TTLL5: variants seen among roughly 807,000 people sequenced by gnomAD.
The protein encoded by TTLL5 is tubulin polyglutamylase TTLL5.
In TTLL5, 132 loss-of-function variants were observed where a neutral mutation model predicts 168.4. That is an observed-to-expected ratio of 0.78 (90% CI 0.68 to 0.91). TTLL5 has a LOEUF of 0.91. Among genes scored for constraint, TTLL5 ranks in the 40% least tolerant of loss-of-function variants. The pLI is 0.00. For synonymous variants in TTLL5, 546 were observed against 558.6 expected, an observed-to-expected ratio of 0.98 and a Z score of 0.32; for missense variants, 1,545 against 1,581.5, an observed-to-expected ratio of 0.98 and a Z score of 0.39.
At chr14:75,687,181 A>T (rs578106688) in intron 5 of TTLL5, among the ~76,000 whole-genome samples, 7 of 152,364 alleles carry the variant, frequency 4.6e-5, no homozygotes, top group Admixed American at 4.6e-4. Flanking sequence ...AAGAAAACAT[A>T]GACAAGATCT....
intron 18 of TTLL5, among the ~76,000 whole-genome samples, chr14:75,755,888 G>A (rs1213025198): frequency 1.3e-5 from 2 of 151,610 alleles, no homozygotes; most frequent in Non-Finnish European, 2.9e-5. Context: ...ACTCCTCCCC[G>A]ACCTACCCAC....
intron 31 of TTLL5, among the ~76,000 whole-genome samples, chr14:75,908,897 C>T (rs944961113): frequency 6.6e-6 from 1 of 152,130 alleles, no homozygotes; most frequent in African/African-American, 2.4e-5. Context: ...CCACCTCAGC[C>T]TCCTGAGTAG....
At chr14:75,784,168 C>A (rs1014909002) in intron 26 of TTLL5, among the ~76,000 whole-genome samples, 4 of 152,178 alleles carry the variant, frequency 2.6e-5, no homozygotes, top group Non-Finnish European at 5.9e-5. Context: ...AAACCCCATA[C>A]CTGTTAGCAG....
intron 21 of TTLL5, 57 bp downstream of exon 21, chr14:75,771,911 A>ATTT (rs57636956): frequency 5.4e-6 from 7 of 1,307,574 alleles, no homozygotes; most frequent in South Asian, 3.2e-5. Flanking sequence ...TTCTTTCTGT[A>ATTT]TTTTTTTTTT....
chr14:75,701,225 C>T (rs979076118), intron 7 of TTLL5, among the ~76,000 whole-genome samples: 1 of 152,056 alleles, frequency 6.6e-6, no homozygotes, highest in African/African-American at 2.4e-5. Flanking sequence ...ATGCAGTTTG[C>T]CTGCCTTTCC....
chr14:75,760,663 T>G (rs1890578954), intron 18 of TTLL5, among the ~76,000 whole-genome samples: 1 of 152,044 alleles, frequency 6.6e-6, no homozygotes, highest in Non-Finnish European at 1.5e-5. Flanking sequence ...ATGGTCAAAG[T>G]AATCCAATGG....
chr14:75,751,232 GA>G (rs1566588015), intron 17 of TTLL5, among the ~76,000 whole-genome samples: 1 of 152,144 alleles, frequency 6.6e-6, no homozygotes, highest in African/African-American at 2.4e-5. Flanking sequence ...AAACTAGCAT[GA>G]ATTTCTTTCT....
At chr14:75,661,460 A>C (rs1212085605) in intron 1 of TTLL5, 73 bp downstream of exon 1, 1 of 152,310 alleles carries the variant, frequency 6.6e-6, no homozygotes, top group Non-Finnish European at 1.5e-5. Flanking sequence ...CGCCTGCAGC[A>C]GGACTTCCCG....
At chr14:75,738,579 C>A (rs1393728561) in intron 15 of TTLL5, among the ~76,000 whole-genome samples, 1 of 151,988 alleles carries the variant, frequency 6.6e-6, no homozygotes, top group African/African-American at 2.4e-5. Flanking sequence ...TGGTGGAATT[C>A]GAAACTCTAT....
intron 27 of TTLL5, among the ~76,000 whole-genome samples, chr14:75,811,142 G>T (rs1221948076): frequency 1.9e-5 from 2 of 106,830 alleles, no homozygotes; most frequent in African/African-American, 7.5e-5. Flanking sequence ...GGAAAGAGAG[G>T]GAATGAAAGA....
rs560351217 is a variant in TTLL5 at position 75,757,011 on chromosome 14, T to C, written c.1550+4056T>C. ...TTGTTTTTTTTGAGAGGAGTCTCGC[T>C]CTGTTGCCCAGAGTGGAGTGCAGTG... On this transcript the variant is annotated intron_variant, in intron 18 of 31. Transcript: ENST00000298832. Among the ~76,000 whole-genome samples the C allele has an allele frequency of 9.2e-5, 14 of 152,036 alleles. No individual in the cohort carries two copies. In the South Asian group the frequency reaches 2.9e-3, roughly 32 times the overall value.
At chr14:75,941,843 C>CTTTTTTTTTTTTTTTTTTTTT (rs71122506) in intron 31 of TTLL5, among the ~76,000 whole-genome samples, 1 of 69,404 alleles carries the variant, frequency 1.4e-5, no homozygotes, top group Non-Finnish European at 2.6e-5. Flanking sequence ...TCATGATGAA[C>CTTTTTTTTTTTTTTTTTTTTT]TTTTTTTTTT....
At chr14:75,845,784 G>A (rs149028447) in intron 28 of TTLL5, among the ~76,000 whole-genome samples, 1,883 of 152,316 alleles carry the variant, frequency 0.012, 15 homozygotes, top group South Asian at 0.025. Context: ...TGATGTGAAA[G>A]CTCATGTTCT....
In TTLL5 at chr14:75,874,933, C is replaced by CTTTTTTTTTTTTTTTTTTTTTTTTTTT. The variant is rs1555353208; in HGVS notation, c.3523-7734_3523-7733insTTTTTTTTTTTTTTTTTTTTTTTTTTT. ...AGAGAAAAAAAAAGACACTGGGGGC[C>CTTTTTTTTTTTTTTTTTTTTTTTTTTT]TTTTTTTTTTTTTTTTTTGAGACGG... On this transcript the variant is annotated intron_variant, in intron 29 of 31. Transcript: ENST00000298832. Among the ~76,000 whole-genome samples, 35 of 97,532 alleles carry CTTTTTTTTTTTTTTTTTTTTTTTTTTT rather than the reference C, an allele frequency of 3.6e-4. 2 individuals are homozygous for CTTTTTTTTTTTTTTTTTTTTTTTTTTT. Among genetic ancestry groups the CTTTTTTTTTTTTTTTTTTTTTTTTTTT allele is most frequent in the East Asian group, 8.2e-4 (2 of 2,432 alleles). 64.0% of individuals were successfully genotyped at this position (97,532 alleles called of 152,430 possible).
chr14:75,847,735 C>T (rs1595143429), intron 28 of TTLL5: 1 of 152,020 alleles, frequency 6.6e-6, no homozygotes, highest in Non-Finnish European at 1.5e-5. Context: ...TGGCAGAATT[C>T]GTGCTCTTAA....
At position 75,846,589 on chromosome 14, in the gene TTLL5, G is replaced by A. The variant is rs557414798; in HGVS notation, c.3327-17078G>A. Among the ~76,000 whole-genome samples the A allele has an allele frequency of 1.5e-4, 23 of 152,154 alleles. No homozygotes were observed. In the East Asian group the frequency reaches 2.1e-3, roughly 14 times the overall value. On this transcript the variant is annotated intron_variant, in intron 28 of 31. Transcript: ENST00000298832. ...GCGGATCACCTGAGATCGGGAGTTC[G>A]AGACCAGCCTGTCCAACATGGAGAA...
intron 23 of TTLL5, among the ~76,000 whole-genome samples, chr14:75,778,783 A>G (rs1294322370): frequency 6.6e-6 from 1 of 152,256 alleles, no homozygotes; most frequent in Non-Finnish European, 1.5e-5. Context: ...AGAATCCACT[A>G]GCCTCTCATC....
At position 75,791,105 on chromosome 14, in the gene TTLL5, C is replaced by CAAAAAAAAAAAAAAAAAAAAAAAAAA. The variant is rs372035829; in HGVS notation, c.2987-1792_2987-1791insAAAAAAAAAAAAAAAAAAAAAAAAAA. The stretch of plus-strand genomic sequence containing the variant: ...TGGGTGACAGAGCAAGACTCTGTCT[C>CAAAAAAAAAAAAAAAAAAAAAAAAAA]AAAAAAAAAAAAAAAAAAATACCAC... On this transcript the variant is annotated intron_variant, in intron 26 of 31. Coordinates refer to ENST00000298832, the MANE Select transcript of TTLL5 (RefSeq NM_015072.5). Among the ~76,000 whole-genome samples the CAAAAAAAAAAAAAAAAAAAAAAAAAA allele has an allele frequency of 1.6e-4, 12 of 77,266 alleles. 1 individual carries two copies. Among genetic ancestry groups the CAAAAAAAAAAAAAAAAAAAAAAAAAA allele is most frequent in the African/African-American group, 9.1e-4 (12 of 13,146 alleles). 50.7% of individuals were successfully genotyped at this position (77,266 alleles called of 152,430 possible).
In TTLL5 at chr14:75,663,066, A is replaced by T; in HGVS notation, c.-84A>T. ...TTGATTTCTTGCAGGAATCTGTGCC[A>T]TCCAAATTGCTTGATCCAGTGAATC... On this transcript the variant is annotated 5_prime_UTR_variant, in exon 2 of 32. Transcript: ENST00000298832. The T allele has an allele frequency of 8.4e-7, 1 of 1,186,596 alleles. No individual in the cohort carries two copies. The highest frequency in any genetic ancestry group is 1.5e-5 in the African/African-American group (1 of 66,552). The allele number at this position is 1,186,596 out of a possible 1,614,324, so 73.5% of individuals were successfully genotyped here.
Sources: allele counts gnomAD v4.1 joint callset (sites outside exome capture counted in the v4.1 genomes callset), GRCh38; gene constraint gnomAD v4.1.1; transcripts MANE v1.5; gene names NCBI Gene and HGNC (gene_info 2026-07-23, HGNC 2026-07-21).